KSR2: variants seen among roughly 807,000 people sequenced by gnomAD.
KSR2 encodes kinase suppressor of ras 2.
KSR2 carries 25 observed loss-of-function variants against 107.8 expected under a neutral mutation model. The observed-to-expected ratio is 0.23, with a 90% CI of 0.17 to 0.32. KSR2 has a LOEUF of 0.32. Among genes scored for constraint, KSR2 ranks in the 10% least tolerant of loss-of-function variants. The probability of loss-of-function intolerance (pLI) is 1.00; values close to 1 mark genes in which losing one functional copy is unlikely to be tolerated. For missense variants in KSR2, 887 were observed against 1,268.9 expected, an observed-to-expected ratio of 0.70 and a Z score of 4.57; for synonymous variants, 480 against 507.0, an observed-to-expected ratio of 0.95 and a Z score of 0.71.
chr12:117,518,071 T>A (rs558311454), intron 14 of KSR2, among the ~76,000 whole-genome samples: 1 of 152,336 alleles, frequency 6.6e-6, no homozygotes, highest in South Asian at 2.1e-4. Context: ...GGATTTAAAA[T>A]GCTGTGCAAA....
At chr12:117,905,993 G>T (rs1430991224) in intron 1 of KSR2, among the ~76,000 whole-genome samples, 1 of 151,924 alleles carries the variant, frequency 6.6e-6, no homozygotes. Context: ...TATTTGTTGG[G>T]TGCCAAGTAT....
At chr12:117,589,612 T>C (rs941699270) in intron 5 of KSR2, among the ~76,000 whole-genome samples, 8 of 152,180 alleles carry the variant, frequency 5.3e-5, no homozygotes, top group Non-Finnish European at 1.0e-4. Flanking sequence ...ATCATTAAAC[T>C]TTTCTTTGGA....
chr12:117,631,565 G>T (rs1275988825), intron 5 of KSR2, among the ~76,000 whole-genome samples: 1 of 151,928 alleles, frequency 6.6e-6, no homozygotes, highest in Non-Finnish European at 1.5e-5. Flanking sequence ...CATTTTTCAT[G>T]CCTAATTATT....
intron 4 of KSR2, chr12:117,674,525 G>C (rs981250651): frequency 7.5e-6 from 3 of 400,474 alleles, no homozygotes; most frequent in Admixed American, 5.2e-5. Flanking sequence ...CTTTCCTCCA[G>C]CCCCTGCACC....
intron 4 of KSR2, among the ~76,000 whole-genome samples, chr12:117,704,324 G>A (rs78234558): frequency 0.059 from 8,946 of 152,194 alleles, 891 homozygotes; most frequent in African/African-American, 0.2. Context: ...AGTGTGGAAG[G>A]AGAAGCTGGT....
At chr12:117,502,980 GA>G (rs1873468464) in intron 14 of KSR2, among the ~76,000 whole-genome samples, 2 of 152,156 alleles carry the variant, frequency 1.3e-5, no homozygotes, top group Non-Finnish European at 2.9e-5. Context: ...CGGACACTGA[GA>G]GGAAAACAAA....
At chr12:117,882,853 C>T (rs1294731121) in intron 1 of KSR2, among the ~76,000 whole-genome samples, 1 of 151,916 alleles carries the variant, frequency 6.6e-6, no homozygotes, top group African/African-American at 2.4e-5. Flanking sequence ...ATCCATCCAA[C>T]AATCCATCCA....
intron 4 of KSR2, among the ~76,000 whole-genome samples, chr12:117,748,314 T>C (rs1321925007): frequency 1.3e-5 from 2 of 152,118 alleles, no homozygotes; most frequent in Non-Finnish European, 2.9e-5. Flanking sequence ...AATGGGGAGA[T>C]ATTGGTTAAA....
intron 1 of KSR2, among the ~76,000 whole-genome samples, chr12:117,920,804 G>A (rs925692628): frequency 6.6e-6 from 1 of 152,070 alleles, no homozygotes; most frequent in Non-Finnish European, 1.5e-5. Flanking sequence ...GGGGAGGAAG[G>A]ATTCAAGCAT....
chr12:117,962,243 A>T (rs1896682405), intron 1 of KSR2, among the ~76,000 whole-genome samples: 1 of 151,604 alleles, frequency 6.6e-6, no homozygotes, highest in Non-Finnish European at 1.5e-5. Flanking sequence ...TTCCCCTTGC[A>T]ATTTAACTAA....
intron 14 of KSR2, among the ~76,000 whole-genome samples, chr12:117,509,282 C>T (rs1873890839): frequency 6.6e-6 from 1 of 152,162 alleles, no homozygotes; most frequent in South Asian, 2.1e-4. Flanking sequence ...ATCCCCTTCC[C>T]TCTTTGCATT....
At chr12:117,801,308 T>C (rs866896614) in intron 3 of KSR2, among the ~76,000 whole-genome samples, 3 of 151,598 alleles carry the variant, frequency 2.0e-5, no homozygotes, top group African/African-American at 4.9e-5. Flanking sequence ...TTTGTATTTT[T>C]AGTAGAGACG....
chr12:117,859,126 A>AATATGAGCTG (rs1893196049), intron 2 of KSR2, among the ~76,000 whole-genome samples: 2 of 149,518 alleles, frequency 1.3e-5, no homozygotes, highest in Admixed American at 1.3e-4. Flanking sequence ...TTGGTGCCAG[A>AATATGAGCTG]ATATGAGCTG....
At chr12:117,880,217 T>C (rs1054263107) in intron 1 of KSR2, among the ~76,000 whole-genome samples, 18 of 152,210 alleles carry the variant, frequency 1.2e-4, no homozygotes, top group Admixed American at 1.1e-3. Context: ...TAGGAATAAA[T>C]AGAATGAATT....
intron 3 of KSR2, among the ~76,000 whole-genome samples, chr12:117,799,485 A>T (rs1890752954): frequency 6.6e-6 from 1 of 150,756 alleles, no homozygotes; most frequent in African/African-American, 2.5e-5. Context: ...CAGGCAACAG[A>T]GCGAAGACTC....
chr12:117,651,902 A>G (rs1883920257), intron 5 of KSR2, among the ~76,000 whole-genome samples: 1 of 152,244 alleles, frequency 6.6e-6, no homozygotes, highest in Non-Finnish European at 1.5e-5. Flanking sequence ...ACTCAACTAC[A>G]AAATTTACAT....
At chr12:117,757,308 T>C (rs565194963) in intron 4 of KSR2, among the ~76,000 whole-genome samples, 7 of 152,300 alleles carry the variant, frequency 4.6e-5, no homozygotes, top group Non-Finnish European at 7.4e-5. Context: ...TGCAATCTCA[T>C]GATAAAACTT....
chr12:117,590,494 A>T (rs1237681813), intron 5 of KSR2, among the ~76,000 whole-genome samples: 2 of 152,200 alleles, frequency 1.3e-5, no homozygotes, highest in African/African-American at 4.8e-5. Context: ...TGGTAGGAGG[A>T]TTAAGTGGGG....
chr12:117,784,266 C>G (rs182850221), intron 3 of KSR2, among the ~76,000 whole-genome samples: 1 of 152,144 alleles, frequency 6.6e-6, no homozygotes, highest in Non-Finnish European at 1.5e-5. Context: ...TTCCCCCATA[C>G]TGTGTCTCAT....
Sources: allele counts gnomAD v4.1 joint callset (sites outside exome capture counted in the v4.1 genomes callset), GRCh38; gene constraint gnomAD v4.1.1; transcripts MANE v1.5; gene names NCBI Gene and HGNC (gene_info 2026-07-23, HGNC 2026-07-21).